GCN1: variants seen among roughly 807,000 people sequenced by gnomAD.
GCN1 encodes stalled ribosome sensor GCN1.
GCN1 carries 90 observed loss-of-function variants against 288.4 expected under a neutral mutation model. That is an observed-to-expected ratio of 0.31 (90% CI 0.26 to 0.37). The LOEUF is 0.37. Among genes scored for constraint, GCN1 ranks in the 10% least tolerant of loss-of-function variants. The pLI is 1.00. For missense variants in GCN1, 2,586 were observed against 3,419.9 expected, an observed-to-expected ratio of 0.76 and a Z score of 6.08; for synonymous variants, 1,386 against 1,420.2, an observed-to-expected ratio of 0.98 and a Z score of 0.54.
rs1264392687 is a variant in GCN1, at chr12:120,194,673, G to A, written c.18+7C>T. The A allele has an allele frequency of 2.6e-5, 39 of 1,514,100 alleles. No homozygotes were observed. The East Asian group carries it at 2.6e-4, about 10-fold the overall frequency. The allele number at this position is 1,514,100 out of a possible 1,614,324, so 93.8% of individuals were successfully genotyped here. On this transcript the variant is annotated splice_region_variant and intron_variant, in intron 1 of 57. Transcript: ENST00000300648. The stretch of plus-strand genomic sequence containing the variant: ...GGCCGCGTTGGCCCCGCAGCCGCCC[G>A]CCTCACCTGCGTGTCCGCCGCCATC...
At chr12:120,177,787 T>C in intron 7 of GCN1, 35 bp from the exon 8 acceptor site, 1 of 1,462,396 alleles carries the variant, frequency 6.8e-7, no homozygotes, top group Non-Finnish European at 9.6e-7. Context: ...GATCCTGACA[T>C]TCTCAAGTAT....
intron 14 of GCN1, among the ~76,000 whole-genome samples, chr12:120,173,084 G>C (rs897747939): frequency 7.0e-6 from 1 of 143,004 alleles, no homozygotes; most frequent in Non-Finnish European, 1.5e-5. Context: ...TTCCAAGACA[G>C]AGTCTTGCTC....
Position 120,144,702 on chromosome 12 carries a change from C to A in GCN1, c.5289G>T (p.Leu1763=), listed in dbSNP as rs768815000. 1.2e-6 allele frequency: 2 copies of A among 1,614,084 alleles called. No homozygotes were observed. Among genetic ancestry groups the A allele is most frequent in the Admixed American group, 1.7e-5 (1 of 60,034 alleles). The change falls in exon 41 of 58, where the codon CTG becomes CTT. Residue 1763 remains leucine, a synonymous_variant. Transcript: ENST00000300648. The surrounding 1 kb of genome is among the most constrained non-coding windows in gnomAD (Gnocchi z 4.7). ...RDGYIMMFNY[L]PITFGDKFTP... ...TAAACTTGTCTCCAAAGGTGATGGGCAGGTAGTTAAACATCATAATGTAGC... is the reference window on the plus strand; with the variant it reads ...TAAACTTGTCTCCAAAGGTGATGGGAAGGTAGTTAAACATCATAATGTAGC...
rs931747361 is a variant in GCN1, at chr12:120,175,732, G to A, written c.1042+14C>T. The A allele has an allele frequency of 6.2e-7, 1 of 1,607,508 alleles. No homozygotes were observed. Among genetic ancestry groups the A allele is most frequent in the Non-Finnish European group, 8.5e-7 (1 of 1,177,662 alleles). On this transcript the variant is annotated intron_variant, in intron 11 of 57. Coordinates refer to ENST00000300648, the MANE Select transcript of GCN1 (RefSeq NM_006836.2). ...ACGCCTCAACCACCCGCATGGCCAA[G>A]AAGGCTTGCTCACCTCCGAGGATAG...
rs759070836 is a variant in GCN1 at position 120,163,203 on chromosome 12, C to T, written c.1905G>A (p.Lys635=). Residue 635 remains lysine (K), a synonymous_variant, in exon 19 of 58, where the codon AAG becomes AAA. Transcript: ENST00000300648. ...GCAGGACCCGTGGAGGCACGTAGGC[C>T]TTGCCTGCCTCAGTCACCTCTCCAG... ...TDAGEVTEAG[K]AYVPPRVLQE... The T allele has an allele frequency of 1.2e-5, 19 of 1,614,012 alleles. No homozygotes were observed. Among genetic ancestry groups the T allele is most frequent in the Non-Finnish European group, 1.6e-5 (19 of 1,179,980 alleles).
chr12:120,134,448 C>G lies in GCN1; in HGVS notation c.7203-43G>C. ...CGCCTTAAGCCCTGGGTGCCTCCAC[C>G]ACCACCCCTCCTGCCAGCGCAGGCT... On this transcript the variant is annotated intron_variant, in intron 52 of 57. Transcript: ENST00000300648. This position sits in a 1 kb window ranked among gnomAD's most constrained non-coding sequence, Gnocchi z 5.0. 6.3e-7 allele frequency: 1 copy of G among 1,585,424 alleles called. No homozygotes were observed. Among genetic ancestry groups the G allele is most frequent in the Non-Finnish European group, 8.7e-7 (1 of 1,154,192 alleles).
In GCN1 at chr12:120,155,717, C is replaced by A; in HGVS notation, c.3315G>T (p.Gly1105=). 1 of 1,614,008 alleles carries A rather than the reference C, an allele frequency of 6.2e-7. No homozygotes were observed. Among genetic ancestry groups the A allele is most frequent in the Non-Finnish European group, 8.5e-7 (1 of 1,179,986 alleles). The change falls in exon 29 of 58, where the codon GGG becomes GGT. Residue 1105 remains glycine (G), a splice_region_variant and synonymous_variant. Coordinates refer to ENST00000300648, the MANE Select transcript of GCN1 (RefSeq NM_006836.2). This position sits in a 1 kb window ranked among gnomAD's most constrained non-coding sequence, Gnocchi z 4.9. ...GCAATACCATGTGGAGTTCCATCAGCCCCTGGAAGGGGTGGGATTGGACCG... is the reference window on the plus strand; with the variant it reads ...GCAATACCATGTGGAGTTCCATCAGACCCTGGAAGGGGTGGGATTGGACCG... ...CASVRETVLR[G]LMELHMVLPA... is the part of the protein sequence containing the mutation.
chr12:120,151,452 G>A (rs1395743220), intron 33 of GCN1, 61 bp from the exon 34 acceptor site: 1 of 1,578,332 alleles, frequency 6.3e-7, no homozygotes, highest in Non-Finnish European at 8.6e-7. Flanking sequence ...TGGTTGGTGG[G>A]GGGTCTGACC....
At chr12:120,191,373 G>C (rs1293405231) in intron 1 of GCN1, among the ~76,000 whole-genome samples, 2 of 152,208 alleles carry the variant, frequency 1.3e-5, no homozygotes, top group African/African-American at 4.8e-5. Flanking sequence ...CCAGTGATGG[G>C]GGGCAGTTTG....
intron 1 of GCN1, among the ~76,000 whole-genome samples, chr12:120,194,446 C>G (rs141933633): frequency 0.026 from 4,037 of 152,376 alleles, 82 homozygotes; most frequent in Non-Finnish European, 0.038. Flanking sequence ...CGAGCTCCAG[C>G]TGCTGAAGTC....
At chr12:120,130,612 T>C (rs1168266347) in intron 56 of GCN1, 34 bp downstream of exon 56, 3 of 1,407,612 alleles carry the variant, frequency 2.1e-6, no homozygotes, top group Non-Finnish European at 3.0e-6. Flanking sequence ...AAGCCAGGTG[T>C]TAGGGCTTAA....
Position 120,190,312 on chromosome 12 carries a change from C to A in GCN1, c.107G>T (p.Cys36Phe). ...RREILSELGK[C>F]VAGKDLPEGA... ...AAAATAAATACCTTTTCCAGCAACACACTTCCCAAGTTCACTGAGGATTTC... is the reference window on the plus strand; with the variant it reads ...AAAATAAATACCTTTTCCAGCAACAAACTTCCCAAGTTCACTGAGGATTTC... The change falls in exon 2 of 58, where the codon TGT becomes TTT. Residue 36 changes from cysteine to phenylalanine, a missense_variant. Cys to Phe is a radical substitution (Grantham distance 205). Coordinates refer to ENST00000300648, the MANE Select transcript of GCN1 (RefSeq NM_006836.2). 1 of 1,555,762 alleles carries A rather than the reference C, an allele frequency of 6.4e-7. No individual in the cohort carries two copies. Among genetic ancestry groups the A allele is most frequent in the Non-Finnish European group, 8.9e-7 (1 of 1,127,222 alleles).
At chr12:120,194,457 G>C (rs1879105660) in intron 1 of GCN1, among the ~76,000 whole-genome samples, 1 of 152,252 alleles carries the variant, frequency 6.6e-6, no homozygotes, top group South Asian at 2.1e-4. Flanking sequence ...TGCTGAAGTC[G>C]AGGCGGGAGC....
intron 7 of GCN1, 53 bp from the exon 8 acceptor site, chr12:120,177,805 C>T: frequency 7.8e-7 from 1 of 1,286,944 alleles, no homozygotes; most frequent in Non-Finnish European, 1.1e-6. Flanking sequence ...TATCTCATCA[C>T]TGGCCTAAGG....
At chr12:120,177,643 G>T in intron 8 of GCN1, 41 bp downstream of exon 8, 1 of 1,566,502 alleles carries the variant, frequency 6.4e-7, no homozygotes, top group Non-Finnish European at 8.8e-7. Context: ...ATTGAAAATG[G>T]GATCAGTTGT....
Position 120,142,474 on chromosome 12 carries a change from C to A in GCN1, c.5829+33G>T. ...TAGGCTCTGAAAGGAGGCACTGGGG[C>A]TGCTGGTCCAAAACAAGGCCCAGGA... On this transcript the variant is annotated intron_variant, in intron 44 of 57. Coordinates refer to ENST00000300648, the MANE Select transcript of GCN1 (RefSeq NM_006836.2). The surrounding 1 kb of genome is among the most constrained non-coding windows in gnomAD (Gnocchi z 4.9). 1 of 1,539,080 alleles carries A rather than the reference C, an allele frequency of 6.5e-7. No homozygotes were observed. The highest frequency in any genetic ancestry group is 2.2e-5 in the East Asian group (1 of 44,548).
chr12:120,158,327 G>A lies in GCN1; in HGVS notation c.2905+133C>T, dbSNP rs1488740517. 4 of 776,764 alleles carry A rather than the reference G, an allele frequency of 5.1e-6. No individual in the cohort carries two copies. In the African/African-American group the frequency reaches 7.0e-5, roughly 14 times the overall value. The allele number at this position is 776,764 out of a possible 1,614,324, so 48.1% of individuals were successfully genotyped here. Reference sequence around the variant, plus strand: ...CTCACTGCAATTCACAGACTACGAAGGTTCAATTCAGAAATCCTCCATATG... The same window carrying A: ...CTCACTGCAATTCACAGACTACGAAAGTTCAATTCAGAAATCCTCCATATG... On this transcript the variant is annotated intron_variant, in intron 25 of 57. Coordinates refer to ENST00000300648, the MANE Select transcript of GCN1 (RefSeq NM_006836.2). The surrounding 1 kb of genome is among the most constrained non-coding windows in gnomAD (Gnocchi z 4.3).
intron 16 of GCN1, among the ~76,000 whole-genome samples, chr12:120,167,899 T>C (rs1417701843): frequency 6.6e-6 from 1 of 152,046 alleles, no homozygotes; most frequent in Non-Finnish European, 1.5e-5. Flanking sequence ...CACAAGAGCT[T>C]CTCAGCTGCC....
chr12:120,142,526 G>A lies in GCN1; in HGVS notation c.5810C>T (p.Thr1937Met), dbSNP rs536981040. 1.8e-5 allele frequency: 29 copies of A among 1,613,602 alleles called. No individual in the cohort carries two copies. The highest frequency in any genetic ancestry group is 3.3e-5 in the Admixed American group (2 of 60,004). ...ACTCACCGTTCTCTTATCTGCACAC[G>A]TGCTGGCCAGGAAACCCAGCAGGAG... is the stretch of plus-strand genomic sequence containing the variant. ...FGLLLGFLAS[T>M]CADKRTIAAR... The change falls in exon 44 of 58, where the codon ACG (threonine) becomes ATG (methionine). Residue 1937 changes from threonine to methionine, a missense_variant. By Grantham distance (81) the Thr-to-Met change is moderately conservative. Transcript: ENST00000300648. This position sits in a 1 kb window ranked among gnomAD's most constrained non-coding sequence, Gnocchi z 4.9.
Sources: gnomAD v4.1 joint callset for allele counts (sites outside exome capture counted in the v4.1 genomes callset) on GRCh38, gnomAD v4.1.1 for gene constraint, Gnocchi (gnomAD v3.1) non-coding constraint, MANE v1.5 for transcripts, NCBI Gene and HGNC (gene_info 2026-07-23, HGNC 2026-07-21) for gene names.